Variants in LEKR1 observed in about 807,000 individuals in gnomAD.
LEKR1 encodes the protein protein LEKR1.
LEKR1 carries 59 observed loss-of-function variants against 72.4 expected under a neutral mutation model. The observed-to-expected ratio is 0.82, with a 90% CI of 0.66 to 1.01. The LOEUF is 1.01. LEKR1 is among the 50% of genes least tolerant of loss of function. The pLI, the probability that LEKR1 is intolerant of heterozygous loss-of-function variation, is 0.00. For missense variants in LEKR1, 728 were observed against 759.2 expected, an observed-to-expected ratio of 0.96 and a Z score of 0.48; for synonymous variants, 257 against 263.2, an observed-to-expected ratio of 0.98 and a Z score of 0.23.
chr3:156,884,764 G>A (rs1719870768), intron 3 of LEKR1, among the ~76,000 whole-genome samples: 1 of 152,132 alleles, frequency 6.6e-6, no homozygotes, highest in African/African-American at 2.4e-5. Context: ...CCTAGGCGAT[G>A]ATCTTTTTGG....
chr3:157,032,169 G>T (rs1251501449), intron 12 of LEKR1, among the ~76,000 whole-genome samples: 4 of 152,092 alleles, frequency 2.6e-5, no homozygotes, highest in Non-Finnish European at 4.4e-5. Context: ...GCTTCTTGAT[G>T]CCCATTTTCC....
intron 5 of LEKR1, among the ~76,000 whole-genome samples, chr3:156,928,519 T>C (rs1724932012): frequency 1.3e-5 from 2 of 152,128 alleles, no homozygotes; most frequent in South Asian, 2.1e-4. Context: ...TTTTTTCTTT[T>C]TAAGGATATT....
chr3:156,933,426 G>A (rs2108577811), intron 5 of LEKR1, among the ~76,000 whole-genome samples: 1 of 152,234 alleles, frequency 6.6e-6, no homozygotes, highest in East Asian at 1.9e-4. Context: ...TACCAGCAGT[G>A]TATGAGACCT....
At chr3:156,929,183 G>C (rs866539806) in intron 5 of LEKR1, among the ~76,000 whole-genome samples, 2 of 150,674 alleles carry the variant, frequency 1.3e-5, no homozygotes, top group Non-Finnish European at 3.0e-5. Context: ...TTAAAGTCAA[G>C]AACTTATTTT....
At chr3:156,923,853 G>C (rs1284949126) in intron 4 of LEKR1, among the ~76,000 whole-genome samples, 1 of 151,466 alleles carries the variant, frequency 6.6e-6, no homozygotes, top group Non-Finnish European at 1.5e-5. Flanking sequence ...TCAGCCTCCC[G>C]AGTAGCTGGG....
At chr3:156,913,468 T>C (rs1723304988) in intron 3 of LEKR1, among the ~76,000 whole-genome samples, 1 of 152,168 alleles carries the variant, frequency 6.6e-6, no homozygotes, top group South Asian at 2.1e-4. Context: ...TGATTTTTAA[T>C]TTTTTAAAGG....
Position 156,946,529 on chromosome 3 carries a change from G to C in LEKR1, c.745+3815G>C, listed in dbSNP as rs1189857443. 2.6e-5 allele frequency among the ~76,000 whole-genome samples: 4 copies of C among 151,444 alleles called. No individual in the cohort carries two copies. The East Asian group carries it at 7.7e-4, about 29-fold the overall frequency. On this transcript the variant is annotated intron_variant, in intron 6 of 12. Coordinates refer to ENST00000356539, the MANE Select transcript of LEKR1 (RefSeq NM_001004316.3). ...TCCTTGTTGTGTTCCAGACTTAGAG[G>C]AAAGGCTTTTAATTTTTCCCTGCTC...
chr3:156,886,312 GA>G (rs1209455326), intron 3 of LEKR1, among the ~76,000 whole-genome samples: 1 of 152,058 alleles, frequency 6.6e-6, no homozygotes, highest in East Asian at 1.9e-4. Flanking sequence ...GCCCCACTCA[GA>G]CTTTACCCCA....
At chr3:156,979,610 A>T (rs1453617223) in intron 7 of LEKR1, 1 of 158,398 alleles carries the variant, frequency 6.3e-6, no homozygotes, top group Non-Finnish European at 1.4e-5. Flanking sequence ...CTTTTTTCTT[A>T]TCTTTGTTTC....
chr3:156,954,918 T>C (rs1486312759), intron 6 of LEKR1, among the ~76,000 whole-genome samples: 3 of 152,094 alleles, frequency 2.0e-5, no homozygotes, highest in African/African-American at 4.8e-5. Context: ...TTAATGGGAA[T>C]AGCATTGAAT....
chr3:156,946,521 A>G (rs1726691300), intron 6 of LEKR1, among the ~76,000 whole-genome samples: 1 of 151,356 alleles, frequency 6.6e-6, no homozygotes, highest in African/African-American at 2.4e-5. Context: ...TGTGTTCCAG[A>G]CTTAGAGGAA....
rs192668460 is a variant in LEKR1, at chr3:157,032,666, G to A, written c.1668+4264G>A. 1.5e-3 allele frequency among the ~76,000 whole-genome samples: 225 copies of A among 152,310 alleles called. 1 individual carries two copies. Among genetic ancestry groups the A allele is most frequent in the African/African-American group, 5.1e-3 (211 of 41,584 alleles). ...TATAGAATACTGAAACCTAATGCCCGTGAGGATTGGGGATGGGAGGATTCA... is the reference window on the plus strand; with the variant it reads ...TATAGAATACTGAAACCTAATGCCCATGAGGATTGGGGATGGGAGGATTCA... On this transcript the variant is annotated intron_variant, in intron 12 of 12. Transcript: ENST00000356539.
At chr3:156,895,022 T>C (rs1431569192) in intron 3 of LEKR1, among the ~76,000 whole-genome samples, 6 of 151,930 alleles carry the variant, frequency 3.9e-5, no homozygotes, top group African/African-American at 1.5e-4. Context: ...TGCAACAAAA[T>C]AAAAATTTGA....
At chr3:156,858,799 GC>G (rs1203371798) in intron 3 of LEKR1, among the ~76,000 whole-genome samples, 8 of 151,828 alleles carry the variant, frequency 5.3e-5, no homozygotes, top group African/African-American at 1.9e-4. Context: ...TAAATTTAAA[GC>G]TATTAAGTTT....
chr3:157,012,035 C>CT (rs973609289), intron 10 of LEKR1, among the ~76,000 whole-genome samples: 1 of 151,972 alleles, frequency 6.6e-6, no homozygotes, highest in East Asian at 1.9e-4. Flanking sequence ...GGTCTTTGGA[C>CT]TTTTTTATAG....
In LEKR1 at chr3:156,967,152, G is replaced by C. The variant is rs969477394; in HGVS notation, c.746-12042G>C. On this transcript the variant is annotated intron_variant, in intron 6 of 12. Transcript: ENST00000356539. ...TACGTCACCATCATCAAAGACCAAA[G>C]GTAGGTAAAACCACAAAGATGGGGA... Among the ~76,000 whole-genome samples, 4 of 152,002 alleles carry C rather than the reference G, an allele frequency of 2.6e-5. No individual in the cohort carries two copies. In the East Asian group the frequency reaches 7.7e-4, roughly 29 times the overall value.
chr3:156,984,569 C>T (rs911208399), intron 7 of LEKR1, among the ~76,000 whole-genome samples: 2 of 151,802 alleles, frequency 1.3e-5, no homozygotes, highest in Non-Finnish European at 2.9e-5. Context: ...CCCAGTTACT[C>T]GGGAGGCTGA....
intron 7 of LEKR1, among the ~76,000 whole-genome samples, chr3:156,981,918 T>G (rs10936044): frequency 0.12 from 17,632 of 152,246 alleles, 1,387 homozygotes; most frequent in African/African-American, 0.22. Flanking sequence ...TTCTTCCATT[T>G]TTAATCCTTA....
chr3:156,911,034 G>A (rs1723057761), intron 3 of LEKR1, among the ~76,000 whole-genome samples: 1 of 152,108 alleles, frequency 6.6e-6, no homozygotes, highest in Admixed American at 6.6e-5. Flanking sequence ...CATTCTGACT[G>A]CTGTGAGATG....
Sources: allele counts gnomAD v4.1 joint callset (sites outside exome capture counted in the v4.1 genomes callset), GRCh38; gene constraint gnomAD v4.1.1; transcripts MANE v1.5; gene names NCBI Gene and HGNC (gene_info 2026-07-23, HGNC 2026-07-21).